DCTN1: variants seen among roughly 807,000 people sequenced by gnomAD.
The protein encoded by DCTN1 is 150 kDa dynein-associated polypeptide.
In DCTN1, 61 loss-of-function variants were observed where a neutral mutation model predicts 161.2. The ratio of observed to expected loss-of-function variants is 0.38; its 90% CI spans 0.31 to 0.47. DCTN1 has a LOEUF of 0.47. Among genes scored for constraint, DCTN1 ranks in the 20% least tolerant of loss-of-function variants. DCTN1 has a pLI of 0.99. For missense variants in DCTN1, 1,404 were observed against 1,623.7 expected (o/e 0.86, Z 2.33); for synonymous variants, 653 against 632.4 (o/e 1.03, Z -0.49).
Position 74,367,773 on chromosome 2 carries a change from T to C in DCTN1, c.2107A>G (p.Ile703Val). The C allele has an allele frequency of 1.2e-6, 2 of 1,614,172 alleles. No homozygotes were observed. Among genetic ancestry groups the C allele is most frequent in the Non-Finnish European group, 1.7e-6 (2 of 1,180,036 alleles). The part of the protein sequence containing the change: ...SAHERSLDFL[I>V]ELLHKDQLDE... ...AGCTGATCCTTGTGCAGCAGTTCAATGAGGAAATCCAAGGAGCGCTCATGG... is the reference window on the plus strand; with the variant it reads ...AGCTGATCCTTGTGCAGCAGTTCAACGAGGAAATCCAAGGAGCGCTCATGG... The change falls in exon 18 of 32, where the codon ATT (isoleucine) becomes GTT (valine). Residue 703 changes from isoleucine to valine, a missense_variant. Ile to Val is a conservative substitution (Grantham distance 29). Transcript: ENST00000628224.
intron 6 of DCTN1, among the ~76,000 whole-genome samples, chr2:74,373,628 G>A (rs935547617): frequency 6.6e-6 from 1 of 152,204 alleles, no homozygotes; most frequent in Non-Finnish European, 1.5e-5. Context: ...CCCAGCTGTA[G>A]GAAAGGAGGT....
At chr2:74,379,590 T>C (rs1675415335) in intron 1 of DCTN1, among the ~76,000 whole-genome samples, 1 of 152,064 alleles carries the variant, frequency 6.6e-6, no homozygotes, top group South Asian at 2.1e-4. Context: ...CCAATAAGCC[T>C]CTCAGAACCA....
At chr2:74,384,304 A>G (rs1675636421), upstream of DCTN1, among the ~76,000 whole-genome samples, 1 of 152,236 alleles carries the variant, frequency 6.6e-6, no homozygotes. Flanking sequence ...CCCAAGTCTC[A>G]TAGCCAAAAA....
intron 30 of DCTN1, 63 bp downstream of exon 30, chr2:74,362,587 A>C: frequency 6.4e-7 from 1 of 1,557,374 alleles, no homozygotes; most frequent in Non-Finnish European, 8.8e-7. Flanking sequence ...GAGGAACTCC[A>C]CAAGTGCCTG....
At chr2:74,365,387 T>C (rs1674330643) in intron 25 of DCTN1, 128 bp downstream of exon 25, 10 of 1,553,828 alleles carry the variant, frequency 6.4e-6, no homozygotes, top group African/African-American at 2.7e-5. Context: ...TGCAATGGGG[T>C]TGGCAGTGGG....
In DCTN1 at chr2:74,362,674, C is replaced by A. The variant is rs749595543; in HGVS notation, c.3585G>T (p.Leu1195=). ...CCTTGAGCTTCTCGACGGTGTCACT[C>A]AGGGACTTAAGCTGAGCCACTTGCT... is the stretch of plus-strand genomic sequence containing the variant. ...LMEQVAQLKS[L]SDTVEKLKDE... The change falls in exon 30 of 32, where the codon CTG becomes CTT. Residue 1195 remains leucine (L), a synonymous_variant. Coordinates refer to ENST00000628224, the MANE Select transcript of DCTN1 (RefSeq NM_004082.5). 6 of 1,613,876 alleles carry A rather than the reference C, an allele frequency of 3.7e-6. No individual in the cohort carries two copies. Among genetic ancestry groups the A allele is most frequent in the South Asian group, 3.3e-5 (3 of 91,040 alleles).
chr2:74,377,387 TC>T, intron 4 of DCTN1, 44 bp downstream of exon 4: 1 of 1,560,708 alleles, frequency 6.4e-7, no homozygotes, highest in East Asian at 2.2e-5. Flanking sequence ...TCTTTCTCCT[TC>T]CCCTCCCTTT....
chr2:74,363,177 C>T lies in DCTN1; in HGVS notation c.3346G>A (p.Gly1116Arg). The T allele has an allele frequency of 6.2e-7, 1 of 1,614,044 alleles. No individual in the cohort carries two copies. The highest frequency in any genetic ancestry group is 8.5e-7 in the Non-Finnish European group (1 of 1,179,966). ...GCCAAGGATGCCTTCATCTGGGCTCCCTGTGGATGAAAAAAGAAGGATAGT... is the reference window on the plus strand; with the variant it reads ...GCCAAGGATGCCTTCATCTGGGCTCTCTGTGGATGAAAAAAGAAGGATAGT... The part of the protein sequence containing the change: ...QLQHENSILK[G>R]AQMKASLASL... The change falls in exon 29 of 32, where the codon GGA becomes AGA. Residue 1116 changes from glycine (G) to arginine (R), a missense_variant and splice_region_variant. Gly to Arg is a moderately radical substitution (Grantham distance 125). Around this residue, in one of 9 missense-constraint regions of DCTN1, gnomAD observed 311 missense variants for 298.9 expected, o/e 1.04. Coordinates refer to ENST00000628224, the MANE Select transcript of DCTN1 (RefSeq NM_004082.5).
At chr2:74,367,933 A>T in intron 17 of DCTN1, 38 bp downstream of exon 17, 1 of 1,614,014 alleles carries the variant, frequency 6.2e-7, no homozygotes, top group Non-Finnish European at 8.5e-7. Context: ...CCAATCCTGG[A>T]CCCCCACCCT....
At chr2:74,386,192 T>A (rs1328372935) in intron 1 of DCTN1, among the ~76,000 whole-genome samples, 1 of 152,116 alleles carries the variant, frequency 6.6e-6, no homozygotes, top group Admixed American at 6.5e-5. Context: ...ATTCCCTCCT[T>A]AGCAACCCTA....
intron 15 of DCTN1, 44 bp from the exon 16 acceptor site, chr2:74,368,924 G>A (rs1423988516): frequency 1.2e-6 from 2 of 1,612,234 alleles, no homozygotes; most frequent in Non-Finnish European, 8.5e-7. Flanking sequence ...AGAGCTGAAA[G>A]AGCCCCAAAA....
intron 6 of DCTN1, chr2:74,374,065 T>C: frequency 1.9e-6 from 1 of 535,800 alleles, no homozygotes; most frequent in Non-Finnish European, 3.5e-6. Flanking sequence ...AGAGGCTGCC[T>C]GAAGCCCAAG....
At chr2:74,371,231 C>G in intron 8 of DCTN1, 55 bp from the exon 9 acceptor site, 3 of 1,608,830 alleles carry the variant, frequency 1.9e-6, no homozygotes, top group Non-Finnish European at 2.5e-6. Context: ...TCTCCACCAA[C>G]ACTGAGCTGG....
At chr2:74,388,377 T>G (rs1385852562) in intron 1 of DCTN1, among the ~76,000 whole-genome samples, 1 of 152,164 alleles carries the variant, frequency 6.6e-6, no homozygotes, top group Non-Finnish European at 1.5e-5. Context: ...ACCCCATCTC[T>G]AAACAACAAA....
intron 5 of DCTN1, among the ~76,000 whole-genome samples, chr2:74,376,534 C>T (rs543417841): frequency 1.3e-5 from 2 of 152,322 alleles, no homozygotes; most frequent in East Asian, 3.9e-4. Flanking sequence ...AGAGAATCAT[C>T]CCTAATGAGT....
chr2:74,363,782 C>T (rs1448513696), intron 26 of DCTN1, 154 bp from the exon 27 acceptor site: 3 of 1,022,148 alleles, frequency 2.9e-6, no homozygotes, highest in Non-Finnish European at 4.5e-6. Context: ...GACTCTCTGC[C>T]ACCTATCTTT....
intron 30 of DCTN1, 75 bp from the exon 31 acceptor site, chr2:74,362,216 CA>C: frequency 2.2e-6 from 3 of 1,347,818 alleles, no homozygotes; most frequent in Non-Finnish European, 3.2e-6. Context: ...CGTGGTTTCA[CA>C]GAGACACTAA....
At chr2:74,382,411 C>A (rs1298892663), upstream of DCTN1, among the ~76,000 whole-genome samples, 1 of 151,846 alleles carries the variant, frequency 6.6e-6, no homozygotes, top group East Asian at 1.9e-4. Flanking sequence ...ACCAGCCTGG[C>A]TGACATGGTG....
chr2:74,362,537 A>T, intron 30 of DCTN1, 113 bp downstream of exon 30: 3 of 1,125,954 alleles, frequency 2.7e-6, no homozygotes, highest in East Asian at 5.1e-5. Context: ...CTTCCCTTCC[A>T]TCTCCTCCCC....
Sources: allele counts gnomAD v4.1 joint callset (sites outside exome capture counted in the v4.1 genomes callset), GRCh38; gene constraint gnomAD v4.1.1; regional missense constraint gnomAD v4.1.1; transcripts MANE v1.5; gene names NCBI Gene and HGNC (gene_info 2026-07-23, HGNC 2026-07-21).